The following DLC1 variants were observed in gnomAD, a reference collection of about 807,000 sequenced individuals.
The protein encoded by DLC1 is rho GTPase-activating protein 7.
Under a neutral mutation model 140.3 loss-of-function variants are expected in DLC1, and 54 were observed. The observed-to-expected ratio is 0.38, with a 90% CI of 0.31 to 0.48. The LOEUF is 0.48. Ranked by LOEUF, DLC1 falls within the 20% of genes least tolerant of loss-of-function variation. The pLI is 0.96. For synonymous variants in DLC1, 986 were observed against 728.1 expected, an observed-to-expected ratio of 1.35 and a Z score of -5.70; for missense variants, 2,536 against 1,907.0, an observed-to-expected ratio of 1.33 and a Z score of -6.14.
chr8:13,468,478 T>A (rs1259022708), intron 2 of DLC1, among the ~76,000 whole-genome samples: 1 of 151,198 alleles, frequency 6.6e-6, no homozygotes, highest in Admixed American at 6.6e-5. Context: ...ACACCTGGTC[T>A]CTAACAATCC....
chr8:13,447,020 G>A (rs1388018800), intron 2 of DLC1, among the ~76,000 whole-genome samples: 2 of 151,942 alleles, frequency 1.3e-5, no homozygotes. Context: ...AGAAAAGAAA[G>A]GAAAATCTAG....
intron 5 of DLC1, among the ~76,000 whole-genome samples, chr8:13,247,656 C>T (rs1046913674): frequency 2.0e-5 from 3 of 152,186 alleles, no homozygotes; most frequent in South Asian, 2.1e-4. Context: ...CGCATGATAC[C>T]GTTTCCCATA....
At chr8:13,506,011 A>C (rs1802043916) in intron 1 of DLC1, among the ~76,000 whole-genome samples, 1 of 152,186 alleles carries the variant, frequency 6.6e-6, no homozygotes, top group South Asian at 2.1e-4. Flanking sequence ...CATCAAATGC[A>C]GGTATCTTAT....
rs144592704 is a variant in DLC1 at position 13,409,665 on chromosome 8, G to GA, written c.1024-8047dup. ...AACCCACTTCTTGCTGGGTATATCA[G>GA]ACGAAACCCTTGGCTTCAAGAGCAA... On this transcript the variant is annotated intron_variant, in intron 2 of 17. Coordinates refer to ENST00000276297, the MANE Select transcript of DLC1 (RefSeq NM_182643.3). Among the ~76,000 whole-genome samples, 436 of 152,286 alleles carry GA rather than the reference G, an allele frequency of 2.9e-3. 15 individuals are homozygous for GA. In the East Asian group the frequency reaches 0.068, roughly 24 times the overall value.
chr8:13,370,773 C>A (rs543314314), intron 4 of DLC1, among the ~76,000 whole-genome samples: 42 of 152,240 alleles, frequency 2.8e-4, no homozygotes, highest in African/African-American at 9.9e-4. Flanking sequence ...CATCCCAAGC[C>A]TCATATTCTT....
chr8:13,551,075 C>CACACACACACACACTTT (rs71207163), intron 1 of DLC1, among the ~76,000 whole-genome samples: 22 of 121,674 alleles, frequency 1.8e-4, no homozygotes, highest in African/African-American at 5.2e-4. Context: ...CACACACACA[C>CACACACACACACACTTT]TTTTTTTTTT....
intron 5 of DLC1, among the ~76,000 whole-genome samples, chr8:13,268,182 C>T (rs1830767742): frequency 6.6e-6 from 1 of 152,102 alleles, no homozygotes; most frequent in Admixed American, 6.5e-5. Context: ...TACTTTTAAA[C>T]TTTGAAAACA....
upstream of DLC1, among the ~76,000 whole-genome samples, chr8:13,519,483 C>A (rs1291302509): frequency 1.3e-5 from 2 of 152,058 alleles, no homozygotes; most frequent in African/African-American, 4.8e-5. Context: ...CCAAGAAAAA[C>A]CATATAATTT....
Position 13,095,242 on chromosome 8 carries a change from G to A in DLC1, c.3171C>T (p.Ala1057=), listed in dbSNP as rs138142534. The A allele has an allele frequency of 1.9e-5, 31 of 1,614,072 alleles. No individual in the cohort carries two copies. The African/African-American group carries it at 2.4e-4, about 13-fold the overall frequency. ...TGATCCTCTTCATGAACTTGGGCACGGCCCTGTTAAAGAACACAGAGATGG... is the reference window on the plus strand; with the variant it reads ...TGATCCTCTTCATGAACTTGGGCACAGCCCTGTTAAAGAACACAGAGATGG... The part of the protein sequence containing the change: ...TPSNKHGFSW[A]VPKFMKRIKV... Residue 1057 remains alanine, a synonymous_variant, in exon 11 of 18, where the codon GCC becomes GCT. Coordinates refer to ENST00000276297, the MANE Select transcript of DLC1 (RefSeq NM_182643.3).
intron 2 of DLC1, among the ~76,000 whole-genome samples, chr8:13,496,797 TTTTTTTTTTTTTTTTTTTTTTG>T (rs1801530271): frequency 1.9e-5 from 2 of 105,652 alleles, no homozygotes; most frequent in Non-Finnish European, 3.7e-5. Context: ...TTTTTTTTTT[TTTTTTTTTTTTTTTTTTTTTTG>T]AGATGGAGTT....
At chr8:13,578,744 G>A (rs745730915) in intron 1 of DLC1, among the ~76,000 whole-genome samples, 2 of 152,066 alleles carry the variant, frequency 1.3e-5, no homozygotes, top group Non-Finnish European at 2.9e-5. Flanking sequence ...GTGGGGGAAG[G>A]AGTGTGGAGC....
At chr8:13,592,775 G>C (rs1056695708) in intron 1 of DLC1, among the ~76,000 whole-genome samples, 2 of 152,090 alleles carry the variant, frequency 1.3e-5, no homozygotes, top group Non-Finnish European at 2.9e-5. Flanking sequence ...TTCTGGTGCA[G>C]TTTATAAAGC....
intron 1 of DLC1, among the ~76,000 whole-genome samples, chr8:13,530,542 A>G (rs951760321): frequency 5.9e-5 from 9 of 152,082 alleles, no homozygotes; most frequent in Non-Finnish European, 1.2e-4. Flanking sequence ...CATGTGTAGT[A>G]TATCCTTGAG....
chr8:13,102,649 T>C (rs1819192533), intron 8 of DLC1, 141 bp downstream of exon 8: 3 of 742,964 alleles, frequency 4.0e-6, no homozygotes, highest in South Asian at 3.3e-5. Flanking sequence ...CTATCAAGTC[T>C]AGGCGATATC....
At chr8:13,551,075 C>CACACACACTT (rs71207163) in intron 1 of DLC1, among the ~76,000 whole-genome samples, 19,041 of 121,420 alleles carry the variant, frequency 0.16, 1,693 homozygotes, top group Non-Finnish European at 0.2. Flanking sequence ...CACACACACA[C>CACACACACTT]TTTTTTTTTT....
chr8:13,379,296 A>C (rs1443507991), intron 4 of DLC1, among the ~76,000 whole-genome samples: 2 of 152,190 alleles, frequency 1.3e-5, no homozygotes, highest in Admixed American at 1.3e-4. Flanking sequence ...GAGACCCCAC[A>C]ACAGTGCAGA....
intron 2 of DLC1, among the ~76,000 whole-genome samples, chr8:13,416,879 G>T (rs1466059619): frequency 1.3e-5 from 2 of 151,924 alleles, no homozygotes; most frequent in African/African-American, 4.8e-5. Context: ...AACATAGTGA[G>T]AAAAAACTTT....
chr8:13,201,015 G>A (rs1239415178), intron 5 of DLC1, among the ~76,000 whole-genome samples: 1 of 152,136 alleles, frequency 6.6e-6, no homozygotes, highest in Non-Finnish European at 1.5e-5. Flanking sequence ...AGATTACTGA[G>A]TACAGTGGGT....
chr8:13,506,759 A>G lies in DLC1; in HGVS notation c.-125-6563T>C, dbSNP rs1802105719. ...GGAAGGAAGAGAAGATGTAAGGGAA[A>G]TAATCTCATGTTAATTAAACGCAAC... On this transcript the variant is annotated intron_variant, in intron 1 of 17. Coordinates refer to ENST00000276297, the MANE Select transcript of DLC1 (RefSeq NM_182643.3). 4.6e-5 allele frequency among the ~76,000 whole-genome samples: 7 copies of G among 152,114 alleles called. 1 individual carries two copies. The South Asian group carries it at 1.5e-3, about 32-fold the overall frequency.
Sources: allele counts gnomAD v4.1 joint callset (sites outside exome capture counted in the v4.1 genomes callset), GRCh38; gene constraint gnomAD v4.1.1; transcripts MANE v1.5; gene names NCBI Gene and HGNC (gene_info 2026-07-23, HGNC 2026-07-21).